The following IQSEC3 variants were observed in gnomAD, a reference collection of about 807,000 sequenced individuals.
IQSEC3 encodes the protein IQ motif and Sec7 domain ArfGEF 3.
Under a neutral mutation model 105.4 loss-of-function variants are expected in IQSEC3, and 50 were observed. That is an observed-to-expected ratio of 0.47 (90% CI 0.38 to 0.60). IQSEC3 has a LOEUF of 0.60. Among genes scored for constraint, IQSEC3 ranks in the 20% least tolerant of loss-of-function variants. IQSEC3 has a pLI of 0.00. For missense variants in IQSEC3, 1,415 were observed against 1,630.0 expected, an observed-to-expected ratio of 0.87 and a Z score of 2.27; for synonymous variants, 708 against 746.0, an observed-to-expected ratio of 0.95 and a Z score of 0.83.
chr12:68,814 G>A (rs1419419149), intron 1 of IQSEC3, among the ~76,000 whole-genome samples: 1 of 152,240 alleles, frequency 6.6e-6, no homozygotes, highest in African/African-American at 2.4e-5. Flanking sequence ...TTAGGGCAGG[G>A]TAGCTCACAG....
At chr12:123,607 G>C (rs1205841703) in intron 2 of IQSEC3, among the ~76,000 whole-genome samples, 1 of 152,194 alleles carries the variant, frequency 6.6e-6, no homozygotes, top group Admixed American at 6.5e-5. Flanking sequence ...AGAGGTGCAG[G>C]AGAGTGCTGG....
intron 2 of IQSEC3, among the ~76,000 whole-genome samples, chr12:102,640 C>T (rs573162998): frequency 4.2e-4 from 64 of 152,310 alleles, no homozygotes; most frequent in Admixed American, 1.6e-3. Flanking sequence ...CCTACCGAGG[C>T]CAGGACAGCC....
chr12:97,689 G>A lies in IQSEC3; in HGVS notation c.555-1457G>A, dbSNP rs1482715056. Among the ~76,000 whole-genome samples the A allele has an allele frequency of 2.6e-5, 4 of 152,140 alleles. No individual in the cohort carries two copies. In the East Asian group the frequency reaches 7.7e-4, roughly 29 times the overall value. On this transcript the variant is annotated intron_variant, in intron 1 of 13. Coordinates refer to ENST00000538872, the MANE Select transcript of IQSEC3 (RefSeq NM_001170738.2). ...AAATTAGCTGAGCCTGGTGGCACAT[G>A]CCTGTAGCTGAGACAGGAGGATTGC...
intron 1 of IQSEC3, among the ~76,000 whole-genome samples, chr12:95,409 T>G (rs1864215485): frequency 6.6e-6 from 1 of 152,238 alleles, no homozygotes; most frequent in Admixed American, 6.5e-5. Context: ...ATCTAGTCTG[T>G]GAAATGGCAT....
chr12:123,517 A>C (rs1555082364), intron 2 of IQSEC3, among the ~76,000 whole-genome samples: 1 of 152,216 alleles, frequency 6.6e-6, no homozygotes, highest in East Asian at 1.9e-4. Context: ...CCACAGAAGA[A>C]ATGGTGGACA....
At chr12:95,358 A>G (rs1193794612) in intron 1 of IQSEC3, among the ~76,000 whole-genome samples, 1 of 152,224 alleles carries the variant, frequency 6.6e-6, no homozygotes, top group Non-Finnish European at 1.5e-5. Context: ...GTAACAAAAA[A>G]TGTATTAATG....
chr12:120,797 C>T (rs1374154981), intron 2 of IQSEC3, among the ~76,000 whole-genome samples: 5 of 152,180 alleles, frequency 3.3e-5, no homozygotes, highest in Non-Finnish European at 4.4e-5. Context: ...GCACTGGGCC[C>T]TGTGTGTATC....
At chr12:77,991 C>T (rs1555069717) in intron 1 of IQSEC3, among the ~76,000 whole-genome samples, 1 of 151,714 alleles carries the variant, frequency 6.6e-6, no homozygotes, top group Admixed American at 6.6e-5. Context: ...CTCGCGGGGG[C>T]GGCGGCGAGG....
At chr12:89,727 TA>T (rs1864023599) in intron 1 of IQSEC3, among the ~76,000 whole-genome samples, 1 of 152,252 alleles carries the variant, frequency 6.6e-6, no homozygotes, top group Non-Finnish European at 1.5e-5. Flanking sequence ...TTCCTTTATT[TA>T]ATACAACGTT....
At chr12:115,562 G>A (rs1425672281) in intron 2 of IQSEC3, among the ~76,000 whole-genome samples, 7 of 152,194 alleles carry the variant, frequency 4.6e-5, no homozygotes, top group Non-Finnish European at 1.0e-4. Flanking sequence ...GATGCATAAA[G>A]GGCCCAGATT....
At chr12:142,800 T>C (rs1489713299) in intron 5 of IQSEC3, among the ~76,000 whole-genome samples, 1 of 152,186 alleles carries the variant, frequency 6.6e-6, no homozygotes, top group Admixed American at 6.5e-5. Context: ...TGGCATTTCC[T>C]CACGCCCTTC....
At chr12:104,984 T>C (rs1565398736) in intron 2 of IQSEC3, among the ~76,000 whole-genome samples, 1 of 152,252 alleles carries the variant, frequency 6.6e-6, no homozygotes, top group Non-Finnish European at 1.5e-5. Context: ...GGGAGTCGCA[T>C]CCAGGCTGCT....
intron 2 of IQSEC3, among the ~76,000 whole-genome samples, chr12:106,095 A>C (rs1161072460): frequency 2.0e-5 from 3 of 152,234 alleles, no homozygotes; most frequent in African/African-American, 7.2e-5. Flanking sequence ...AGTGCTTGCT[A>C]TGTGCTATGC....
intron 1 of IQSEC3, among the ~76,000 whole-genome samples, chr12:73,478 A>T (rs1461314655): frequency 6.6e-6 from 1 of 152,258 alleles, no homozygotes; most frequent in African/African-American, 2.4e-5. Context: ...GTTTGAGACC[A>T]GCCTGGCCAA....
chr12:169,104 A>C lies in IQSEC3; in HGVS notation c.3063A>C (p.Thr1021=). The change falls in exon 12 of 14, where the codon ACA becomes ACC. Residue 1021 remains threonine, a splice_region_variant and synonymous_variant. Transcript: ENST00000538872. ...GDPQSKQGSP[T]AKREAALRER... is the part of the protein sequence containing the mutation. ...CACAGTCAAAGCAAGGATCGCCGAC[A>C]GGTGAGCCTCGGCTCCGCTCAGGGC... is the stretch of plus-strand genomic sequence containing the variant. 1 of 1,613,564 alleles carries C rather than the reference A, an allele frequency of 6.2e-7. No homozygotes were observed. Among genetic ancestry groups the C allele is most frequent in the Non-Finnish European group, 8.5e-7 (1 of 1,179,780 alleles).
intron 1 of IQSEC3, among the ~76,000 whole-genome samples, chr12:98,554 TAG>T (rs1169960114): frequency 2.0e-5 from 3 of 152,220 alleles, no homozygotes; most frequent in Admixed American, 1.3e-4. Context: ...TGGCGAACTG[TAG>T]AGCTGGGACT....
At chr12:172,895 C>T (rs577804041) in intron 13 of IQSEC3, among the ~76,000 whole-genome samples, 80 of 152,224 alleles carry the variant, frequency 5.3e-4, no homozygotes, top group Admixed American at 1.2e-3. Flanking sequence ...GGGAGGTAAA[C>T]GGGAGGCGCA....
Position 174,723 on chromosome 12 carries a change from C to T in IQSEC3, c.3239C>T (p.Pro1080Leu), listed in dbSNP as rs201348490. 90 of 1,592,590 alleles carry T rather than the reference C, an allele frequency of 5.7e-5. No individual in the cohort carries two copies. In the Middle Eastern group the frequency reaches 1.2e-3, roughly 21 times the overall value. The change falls in exon 14 of 14, where the codon CCG (proline) becomes CTG (leucine). Residue 1080 changes from proline (P) to leucine (L), a missense_variant. This residue lies in a region of IQSEC3 where 419 missense variants were observed against 436.2 expected (regional missense o/e 0.96). Transcript: ENST00000538872. ...SPPRQQTPPLPPPPPTPPGTL... is the reference protein window; with the variant it reads ...SPPRQQTPPLLPPPPTPPGTL... ...CCGAGACAGCAGACCCCACCACTGC[C>T]GCCGCCGCCACCCACGCCCCCGGGC...
chr12:134,235 G>A (rs879959863), intron 3 of IQSEC3, among the ~76,000 whole-genome samples: 1 of 152,268 alleles, frequency 6.6e-6, no homozygotes, highest in Non-Finnish European at 1.5e-5. Flanking sequence ...GCTGGGCACT[G>A]TCCAAGCATT....
Sources: allele counts gnomAD v4.1 joint callset (sites outside exome capture counted in the v4.1 genomes callset), GRCh38; gene constraint gnomAD v4.1.1; regional missense constraint gnomAD v4.1.1; transcripts MANE v1.5; gene names NCBI Gene and HGNC (gene_info 2026-07-23, HGNC 2026-07-21).